MACROD2: variants seen among roughly 807,000 people sequenced by gnomAD.
MACROD2 encodes ADP-ribose glycohydrolase MACROD2.
In MACROD2, 36 loss-of-function variants were observed where a neutral mutation model predicts 70.4. The observed-to-expected ratio is 0.51, with a 90% CI of 0.39 to 0.68. The LOEUF (loss-of-function observed/expected upper bound fraction) is 0.68. Among genes scored for constraint, MACROD2 ranks in the 30% least tolerant of loss-of-function variants. The pLI, the probability that MACROD2 is intolerant of heterozygous loss-of-function variation, is 0.00. For synonymous variants in MACROD2, 172 were observed against 178.8 expected (o/e 0.96, Z 0.30); for missense variants, 496 against 538.4 (o/e 0.92, Z 0.78).
At chr20:15,827,806 T>C (rs1167759568) in intron 8 of MACROD2, among the ~76,000 whole-genome samples, 1 of 152,184 alleles carries the variant, frequency 6.6e-6, no homozygotes, top group Non-Finnish European at 1.5e-5. Context: ...TAGGGCATTG[T>C]GGTAGATGTG....
Position 15,948,021 on chromosome 20 carries a change from C to T in MACROD2, c.907+10477C>T, listed in dbSNP as rs184952086. 4.7e-4 allele frequency among the ~76,000 whole-genome samples: 72 copies of T among 152,138 alleles called. No homozygotes were observed. The East Asian group carries it at 4.9e-3, about 10-fold the overall frequency. ...CCAATTCAGCAGGAAGCAGTTAGAG[C>T]GGTCATTGGCCAACCTCCCCAACAG... On this transcript the variant is annotated intron_variant, in intron 12 of 17. Coordinates refer to ENST00000684519, the MANE Select transcript of MACROD2 (RefSeq NM_001351661.2).
At chr20:14,368,557 C>G (rs1342630405) in intron 3 of MACROD2, among the ~76,000 whole-genome samples, 1 of 151,454 alleles carries the variant, frequency 6.6e-6, no homozygotes, top group Admixed American at 6.6e-5. Flanking sequence ...AAAAAACACA[C>G]ACACACAAAA....
chr20:15,595,405 G>A (rs905171421), intron 8 of MACROD2, among the ~76,000 whole-genome samples: 6 of 152,168 alleles, frequency 3.9e-5, no homozygotes, highest in African/African-American at 1.4e-4. Flanking sequence ...TGAGCCTTAA[G>A]AATGTCCATT....
At chr20:15,406,454 A>G (rs774815365) in intron 6 of MACROD2, among the ~76,000 whole-genome samples, 2 of 152,222 alleles carry the variant, frequency 1.3e-5, no homozygotes, top group Non-Finnish European at 2.9e-5. Context: ...GATTAATCAT[A>G]TTATAATTAT....
chr20:15,171,371 T>C (rs2076420939), intron 5 of MACROD2, among the ~76,000 whole-genome samples: 1 of 149,508 alleles, frequency 6.7e-6, no homozygotes. Context: ...CCTCCATCCT[T>C]CCCCCACCTT....
chr20:15,977,255 C>G (rs950105393), intron 13 of MACROD2, among the ~76,000 whole-genome samples: 13 of 152,186 alleles, frequency 8.5e-5, no homozygotes, highest in Non-Finnish European at 1.3e-4. Flanking sequence ...AGTAAACAAA[C>G]AGTGAAGGTT....
At chr20:15,774,647 A>G (rs2051691438) in intron 8 of MACROD2, among the ~76,000 whole-genome samples, 2 of 152,118 alleles carry the variant, frequency 1.3e-5, no homozygotes, top group African/African-American at 4.8e-5. Flanking sequence ...AGCACTGGCC[A>G]GGGAGGGGGA....
At chr20:14,492,054 C>T (rs371636963) in intron 3 of MACROD2, among the ~76,000 whole-genome samples, 8 of 152,146 alleles carry the variant, frequency 5.3e-5, no homozygotes, top group East Asian at 3.8e-4. Flanking sequence ...GTAGAATTCT[C>T]GAAGTCTGTC....
chr20:15,329,476 G>A (rs1049339202), intron 6 of MACROD2, among the ~76,000 whole-genome samples: 2 of 152,052 alleles, frequency 1.3e-5, no homozygotes, highest in Non-Finnish European at 2.9e-5. Context: ...AGTGGCTCAT[G>A]TCTGTAATCC....
chr20:14,406,200 C>G (rs77963733), intron 3 of MACROD2, among the ~76,000 whole-genome samples: 1 of 152,242 alleles, frequency 6.6e-6, no homozygotes, highest in Non-Finnish European at 1.5e-5. Context: ...ACTTATTCTT[C>G]ATCAAAGTAA....
At chr20:15,324,924 G>A (rs2077911687) in intron 6 of MACROD2, among the ~76,000 whole-genome samples, 1 of 152,000 alleles carries the variant, frequency 6.6e-6, no homozygotes, top group African/African-American at 2.4e-5. Context: ...CTTGCAAAGA[G>A]TATTAAAACT....
chr20:15,209,923 C>T (rs2076746891), intron 5 of MACROD2, among the ~76,000 whole-genome samples: 2 of 152,146 alleles, frequency 1.3e-5, no homozygotes, highest in Non-Finnish European at 2.9e-5. Flanking sequence ...GATGGTTCTC[C>T]ATAGAGTTTA....
chr20:15,898,158 C>A (rs1418003205), intron 10 of MACROD2, among the ~76,000 whole-genome samples: 4 of 152,142 alleles, frequency 2.6e-5, no homozygotes, highest in African/African-American at 9.7e-5. Context: ...AAATCTCCCA[C>A]TATATTTATG....
intron 3 of MACROD2, among the ~76,000 whole-genome samples, chr20:14,377,431 T>C (rs1425516834): frequency 6.6e-6 from 1 of 152,208 alleles, no homozygotes; most frequent in Non-Finnish European, 1.5e-5. Context: ...CACCACCTTG[T>C]CCTGTCACTG....
intron 5 of MACROD2, among the ~76,000 whole-genome samples, chr20:14,901,984 A>T (rs562990718): frequency 6.6e-6 from 1 of 152,182 alleles, no homozygotes; most frequent in Non-Finnish European, 1.5e-5. Flanking sequence ...TATAAAATTT[A>T]TACAGTGGAA....
chr20:14,972,970 A>C (rs1286168039), intron 5 of MACROD2, among the ~76,000 whole-genome samples: 3 of 152,224 alleles, frequency 2.0e-5, no homozygotes, highest in African/African-American at 4.8e-5. Context: ...TGGAATAATT[A>C]AGTGATACTT....
intron 10 of MACROD2, among the ~76,000 whole-genome samples, chr20:15,906,269 A>G (rs189631002): frequency 1.1e-3 from 170 of 152,370 alleles, no homozygotes; most frequent in African/African-American, 3.9e-3. Flanking sequence ...TCACCAAATC[A>G]GAAAGCTGCA....
intron 4 of MACROD2, among the ~76,000 whole-genome samples, chr20:14,564,408 A>G (rs1169964367): frequency 6.6e-6 from 1 of 152,098 alleles, no homozygotes; most frequent in African/African-American, 2.4e-5. Flanking sequence ...GAGTAAAAAG[A>G]CAACATATAG....
rs1262331925 is a variant in MACROD2 at position 14,862,629 on chromosome 20, AAATATATATATAAAT to A, written c.418+177672_418+177686del. 6.8e-4 allele frequency among the ~76,000 whole-genome samples: 9 copies of A among 13,272 alleles called. 2 individuals carry two copies. Among genetic ancestry groups the A allele is most frequent in the African/African-American group, 2.2e-3 (9 of 4,028 alleles). 8.7% of individuals were successfully genotyped at this position (13,272 alleles called of 152,430 possible). A position where few individuals can be genotyped will look rare whatever the true frequency, so the allele number is the denominator to read the frequency against. ...TAAATATATATAAATATATATATAT[AAATATATATATAAAT>A]ATATATATATAAATATATATATAAA... On this transcript the variant is annotated intron_variant, in intron 5 of 17. Coordinates refer to ENST00000684519, the MANE Select transcript of MACROD2 (RefSeq NM_001351661.2).
Sources: gnomAD v4.1 joint callset for allele counts (sites outside exome capture counted in the v4.1 genomes callset) on GRCh38, gnomAD v4.1.1 for gene constraint, MANE v1.5 for transcripts, NCBI Gene and HGNC (gene_info 2026-07-23, HGNC 2026-07-21) for gene names.